LTV1: variants seen among roughly 807,000 people sequenced by gnomAD.
LTV1 encodes the protein protein LTV1 homolog.
Under a neutral mutation model 59.9 loss-of-function variants are expected in LTV1, and 39 were observed. The ratio of observed to expected loss-of-function variants is 0.65; its 90% CI spans 0.50 to 0.85. The LOEUF is 0.85. Among genes scored for constraint, LTV1 ranks in the 40% least tolerant of loss-of-function variants. The probability of loss-of-function intolerance (pLI) is 0.00; values close to 1 mark genes in which losing one functional copy is unlikely to be tolerated. For synonymous variants in LTV1, 171 were observed against 189.5 expected, an observed-to-expected ratio of 0.90 and a Z score of 0.80; for missense variants, 493 against 549.1, an observed-to-expected ratio of 0.90 and a Z score of 1.02.
At position 143,863,323 on chromosome 6, in the gene LTV1, G is replaced by A. The variant is rs777458536; in HGVS notation, c.1317+37G>A. On this transcript the variant is annotated intron_variant, in intron 10 of 10. Transcript: ENST00000367576. This position sits in a 1 kb window ranked among gnomAD's most constrained non-coding sequence, Gnocchi z 4.5. ...TTTTCAAATGTGAGATTTACAAAGA[G>A]CTGGTGGAGGGGAAATTAGGGGAAT... 6.9e-6 allele frequency: 11 copies of A among 1,605,086 alleles called. 1 individual carries two copies. The South Asian group carries it at 1.2e-4, about 18-fold the overall frequency.
Position 143,843,374 on chromosome 6 carries a change from G to A in LTV1, c.-104G>A, listed in dbSNP as rs547265271. The A allele has an allele frequency of 1.4e-4, 200 of 1,397,844 alleles. 1 individual carries two copies. In the East Asian group the frequency reaches 4.4e-3, roughly 31 times the overall value. 86.6% of individuals were successfully genotyped at this position (1,397,844 alleles called of 1,614,324 possible). A position where few individuals can be genotyped will look rare whatever the true frequency, so the allele number is the denominator to read the frequency against. On this transcript the variant is annotated 5_prime_UTR_variant, in exon 1 of 11. The change creates a new upstream start codon in the 5' untranslated region. Coordinates refer to ENST00000367576, the MANE Select transcript of LTV1 (RefSeq NM_032860.5). ...GCCGGGTCCTGGGGCTGCACGTGTG[G>A]TGAGGCCTACAGAAGCGGCCTTCAG...
intron 3 of LTV1, among the ~76,000 whole-genome samples, chr6:143,846,792 G>C (rs554762586): frequency 1.3e-5 from 2 of 152,306 alleles, no homozygotes; most frequent in South Asian, 4.1e-4. Flanking sequence ...TTTATGTTAA[G>C]AATGCCCATG....
At chr6:143,848,418 A>T (rs1045730982) in intron 3 of LTV1, among the ~76,000 whole-genome samples, 6 of 151,638 alleles carry the variant, frequency 4.0e-5, no homozygotes. Context: ...TGTTTGTGCT[A>T]CTGAGAAACT....
chr6:143,854,274 T>A (rs1034831848), intron 4 of LTV1, among the ~76,000 whole-genome samples: 3 of 152,222 alleles, frequency 2.0e-5, no homozygotes, highest in Non-Finnish European at 4.4e-5. Context: ...TAATTTGTAT[T>A]TCTGTGGGAT....
In LTV1 at chr6:143,843,589, G is replaced by A; in HGVS notation, c.3+109G>A. 3.6e-6 allele frequency: 5 copies of A among 1,395,316 alleles called. No individual in the cohort carries two copies. The South Asian group carries it at 5.0e-5, about 14-fold the overall frequency. The allele number at this position is 1,395,316 out of a possible 1,614,324, so 86.4% of individuals were successfully genotyped here. A position where few individuals can be genotyped will look rare whatever the true frequency, so the allele number is the denominator to read the frequency against. ...CGGCCCGGGTCTGGGTCATGCCAGA[G>A]GCTGCTTGCGGCACGGTACCCCGAA... On this transcript the variant is annotated intron_variant, in intron 1 of 10. Coordinates refer to ENST00000367576, the MANE Select transcript of LTV1 (RefSeq NM_032860.5).
Position 143,855,306 on chromosome 6 carries a change from C to G in LTV1, c.398-1997C>G, listed in dbSNP as rs553168878. On this transcript the variant is annotated intron_variant, in intron 4 of 10. Transcript: ENST00000367576. The surrounding 1 kb of genome is among the most constrained non-coding windows in gnomAD (Gnocchi z 4.6). ...TGCTTTCCATTTGCTTGGTAAATAT[C>G]CTCCATTCCTTTATTTTGAGTCTGT... 5.4e-4 allele frequency among the ~76,000 whole-genome samples: 82 copies of G among 152,170 alleles called. No individual in the cohort carries two copies. The highest frequency in any genetic ancestry group is 1.3e-3 in the Admixed American group (20 of 15,268).
intron 4 of LTV1, among the ~76,000 whole-genome samples, chr6:143,851,803 T>TA (rs1353077823): frequency 4.6e-5 from 7 of 152,122 alleles, no homozygotes; most frequent in Non-Finnish European, 7.3e-5. Context: ...AACTCCCACT[T>TA]ATGAGTGAGA....
At chr6:143,851,271 C>T (rs1427928784) in intron 4 of LTV1, among the ~76,000 whole-genome samples, 1 of 152,174 alleles carries the variant, frequency 6.6e-6, no homozygotes, top group Non-Finnish European at 1.5e-5. Context: ...TCATTTTCTG[C>T]TCCTTGTGGA....
chr6:143,851,695 G>T (rs976503966), intron 4 of LTV1, among the ~76,000 whole-genome samples: 2 of 151,878 alleles, frequency 1.3e-5, no homozygotes, highest in Non-Finnish European at 1.5e-5. Flanking sequence ...TCTACATTAG[G>T]CATTTCTCCT....
chr6:143,863,075 C>CT lies in LTV1; in HGVS notation c.1117-10dup. 1.9e-6 allele frequency: 3 copies of CT among 1,607,672 alleles called. No homozygotes were observed. Among genetic ancestry groups the CT allele is most frequent in the Non-Finnish European group, 2.6e-6 (3 of 1,174,492 alleles). On this transcript the variant is annotated splice_polypyrimidine_tract_variant and intron_variant, in intron 9 of 10. Transcript: ENST00000367576. The surrounding 1 kb of genome is among the most constrained non-coding windows in gnomAD (Gnocchi z 4.5). ...AGAAGTAACTCTAGTACCATTTTATCTGTATTTCAGCCCAAACAAATTCGA... is the reference window on the plus strand; with the variant it reads ...AGAAGTAACTCTAGTACCATTTTATCTTGTATTTCAGCCCAAACAAATTCGA...
In LTV1 at chr6:143,843,456, G is replaced by A. The variant is rs1337397047; in HGVS notation, c.-22G>A. On this transcript the variant is annotated 5_prime_UTR_variant, in exon 1 of 11. In the 5' UTR this introduces an upstream ATG that the reference lacks. Coordinates refer to ENST00000367576, the MANE Select transcript of LTV1 (RefSeq NM_032860.5). The stretch of plus-strand genomic sequence containing the variant: ...GGTGTCATCGCCGCCCCTGTTGGGG[G>A]TGAGCGCCGCGCGGCTGCAGCATGG... The A allele has an allele frequency of 1.2e-6, 2 of 1,613,166 alleles. No homozygotes were observed. The highest frequency in any genetic ancestry group is 1.1e-5 in the South Asian group (1 of 91,078).
chr6:143,844,480 T>C lies in LTV1; in HGVS notation c.4-6T>C. Reference sequence around the variant, plus strand: ...AATTAATTGTTGTGATTTTGTTCCTTTGAAGCCTCACAGGAAGAAAAAGCC... The same window carrying C: ...AATTAATTGTTGTGATTTTGTTCCTCTGAAGCCTCACAGGAAGAAAAAGCC... On this transcript the variant is annotated splice_region_variant and splice_polypyrimidine_tract_variant and intron_variant, in intron 1 of 10. Coordinates refer to ENST00000367576, the MANE Select transcript of LTV1 (RefSeq NM_032860.5). 2 of 1,612,914 alleles carry C rather than the reference T, an allele frequency of 1.2e-6. No individual in the cohort carries two copies. The highest frequency in any genetic ancestry group is 1.7e-6 in the Non-Finnish European group (2 of 1,179,518).
At chr6:143,850,647 A>G (rs1235859234) in intron 4 of LTV1, among the ~76,000 whole-genome samples, 1 of 152,194 alleles carries the variant, frequency 6.6e-6, no homozygotes, top group African/African-American at 2.4e-5. Context: ...TTTTATTTTT[A>G]ATTTGTAGTA....
chr6:143,861,059 G>A (rs1243140110), intron 7 of LTV1, among the ~76,000 whole-genome samples: 2 of 151,846 alleles, frequency 1.3e-5, no homozygotes, highest in African/African-American at 4.8e-5. Flanking sequence ...ACCATGCCCA[G>A]CTAATTTTTG....
At position 143,862,983 on chromosome 6, in the gene LTV1, T is replaced by TAA; in HGVS notation, c.1116+87_1116+88insAA. 6.9e-7 allele frequency: 1 copy of TAA among 1,446,514 alleles called. No homozygotes were observed. The highest frequency in any genetic ancestry group is 1.8e-4 in the Middle Eastern group (1 of 5,696). The allele number at this position is 1,446,514 out of a possible 1,614,324, so 89.6% of individuals were successfully genotyped here. On this transcript the variant is annotated intron_variant, in intron 9 of 10. Coordinates refer to ENST00000367576, the MANE Select transcript of LTV1 (RefSeq NM_032860.5). The surrounding 1 kb of genome is among the most constrained non-coding windows in gnomAD (Gnocchi z 4.2). ...TTCGCACAATAACTTTTTATCTTTA[T>TAA]GGCTAGAGTGATATTAGAAAAAGCA...
At position 143,850,168 on chromosome 6, in the gene LTV1, CAG is replaced by C; in HGVS notation, c.350_351del (p.Glu117ValfsTer2). On this transcript the variant is annotated frameshift_variant, in exon 4 of 11. Transcript: ENST00000367576. LOFTEE classifies it high-confidence loss of function. ...AAGTTGCCTTCATCAGTGTTTGCTT[CAG>C]AGTTTGAGGAAGATGTTGGATTGTT... The C allele has an allele frequency of 6.2e-7, 1 of 1,613,898 alleles. No homozygotes were observed. The highest frequency in any genetic ancestry group is 8.5e-7 in the Non-Finnish European group (1 of 1,179,914).
Position 143,862,311 on chromosome 6 carries a change from G to A in LTV1, c.1063+68G>A, listed in dbSNP as rs771268995. On this transcript the variant is annotated intron_variant, in intron 8 of 10. Coordinates refer to ENST00000367576, the MANE Select transcript of LTV1 (RefSeq NM_032860.5). The surrounding 1 kb of genome is among the most constrained non-coding windows in gnomAD (Gnocchi z 4.2). ...GTATATCAACTTTAGGCTGGGTGCG[G>A]TGCCTCACGCCTGTAGTAATCCCAG... 242 of 1,417,086 alleles carry A rather than the reference G, an allele frequency of 1.7e-4. No individual in the cohort carries two copies. Among genetic ancestry groups the A allele is most frequent in the Non-Finnish European group, 2.2e-4 (230 of 1,025,490 alleles). The allele number at this position is 1,417,086 out of a possible 1,614,324, so 87.8% of individuals were successfully genotyped here. A position where few individuals can be genotyped will look rare whatever the true frequency, so the allele number is the denominator to read the frequency against.
At chr6:143,854,184 G>A (rs1170402296) in intron 4 of LTV1, among the ~76,000 whole-genome samples, 1 of 152,170 alleles carries the variant, frequency 6.6e-6, no homozygotes, top group African/African-American at 2.4e-5. Flanking sequence ...TTGGGAGGGT[G>A]TATGTGTCCA....
In LTV1 at chr6:143,857,239, T is replaced by C. The variant is rs1777091581; in HGVS notation, c.398-64T>C. 8 of 1,589,432 alleles carry C rather than the reference T, an allele frequency of 5.0e-6. No homozygotes were observed. The highest frequency in any genetic ancestry group is 6.9e-6 in the Non-Finnish European group (8 of 1,162,420). On this transcript the variant is annotated intron_variant, in intron 4 of 10. Coordinates refer to ENST00000367576, the MANE Select transcript of LTV1 (RefSeq NM_032860.5). This position sits in a 1 kb window ranked among gnomAD's most constrained non-coding sequence, Gnocchi z 5.2. ...CTTGCTATCATAGGTCCTTATATTG[T>C]GAGTTAAGTGAATGAATTGTTGCTA...
Sources: gnomAD v4.1 joint callset for allele counts (sites outside exome capture counted in the v4.1 genomes callset) on GRCh38, gnomAD v4.1.1 for gene constraint, Gnocchi (gnomAD v3.1) non-coding constraint, MANE v1.5 for transcripts, NCBI Gene and HGNC (gene_info 2026-07-23, HGNC 2026-07-21) for gene names.